Variants in CRACD observed in about 807,000 individuals in gnomAD.
CRACD encodes capping protein inhibiting regulator of actin dynamics.
Under a neutral mutation model 106.8 loss-of-function variants are expected in CRACD, and 56 were observed. The observed-to-expected ratio is 0.52, with a 90% CI of 0.42 to 0.66. CRACD has a LOEUF of 0.66. Ranked by LOEUF, CRACD falls within the 30% of genes least tolerant of loss-of-function variation. CRACD has a pLI of 0.00. For synonymous variants in CRACD, 754 were observed against 670.8 expected (o/e 1.12, Z -1.92); for missense variants, 1,730 against 1,623.2 (o/e 1.07, Z -1.13).
chr4:56,248,578 T>G (rs1257586368), intron 2 of CRACD, among the ~76,000 whole-genome samples: 1 of 126,934 alleles, frequency 7.9e-6, no homozygotes, highest in Non-Finnish European at 1.5e-5. Flanking sequence ...ACCTATGTGT[T>G]TTTTTTTTAA....
intron 1 of CRACD, 37 bp downstream of exon 1, chr4:56,049,336 A>G (rs1731783685): frequency 1.3e-5 from 2 of 151,280 alleles, no homozygotes; most frequent in Non-Finnish European, 3.0e-5. Context: ...GAGCCAGACA[A>G]TGGGGACAGG....
chr4:56,130,960 A>C (rs1266989622), intron 1 of CRACD, among the ~76,000 whole-genome samples: 1 of 152,048 alleles, frequency 6.6e-6, no homozygotes, highest in South Asian at 2.1e-4. Context: ...TCATTTCCTT[A>C]TATGTAAAAT....
At chr4:56,257,312 C>T (rs981461061) in intron 2 of CRACD, among the ~76,000 whole-genome samples, 5 of 151,926 alleles carry the variant, frequency 3.3e-5, no homozygotes, top group Non-Finnish European at 7.4e-5. Flanking sequence ...AAATTCCTGA[C>T]CTCAGGTGAT....
chr4:56,298,209 T>C lies in CRACD; in HGVS notation c.-16-5T>C. ...ATAAAATGAAGCACATGATTTACCT[T>C]CCAGGTCCTTCAACTATTCTATGGG... On this transcript the variant is annotated splice_polypyrimidine_tract_variant and splice_region_variant and intron_variant, in intron 3 of 10. Transcript: ENST00000682029. 3 of 1,612,418 alleles carry C rather than the reference T, an allele frequency of 1.9e-6. No homozygotes were observed. Among genetic ancestry groups the C allele is most frequent in the Non-Finnish European group, 2.5e-6 (3 of 1,179,396 alleles).
At chr4:56,091,408 T>C (rs1733422771) in intron 1 of CRACD, among the ~76,000 whole-genome samples, 1 of 150,978 alleles carries the variant, frequency 6.6e-6, no homozygotes, top group Non-Finnish European at 1.5e-5. Context: ...CAGGGGGACC[T>C]CACCTAAATT....
chr4:56,131,684 A>T (rs941689710), intron 1 of CRACD, among the ~76,000 whole-genome samples: 4 of 152,024 alleles, frequency 2.6e-5, no homozygotes, highest in South Asian at 2.1e-4. Flanking sequence ...AGAGTATTTA[A>T]TTTTTTTCAT....
chr4:56,117,360 C>G (rs185699177), intron 1 of CRACD, among the ~76,000 whole-genome samples: 1 of 152,010 alleles, frequency 6.6e-6, no homozygotes, highest in African/African-American at 2.4e-5. Context: ...CATAATGAAA[C>G]TTGAGGATAT....
chr4:56,208,644 A>G (rs981162193), intron 2 of CRACD, among the ~76,000 whole-genome samples: 3 of 152,194 alleles, frequency 2.0e-5, no homozygotes, highest in African/African-American at 7.2e-5. Context: ...TTATTTGGCA[A>G]TGCTTTCCAT....
At chr4:56,081,848 C>T (rs1397804475) in intron 1 of CRACD, among the ~76,000 whole-genome samples, 4 of 151,832 alleles carry the variant, frequency 2.6e-5, no homozygotes, top group Non-Finnish European at 5.9e-5. Context: ...TAGTGGTGCA[C>T]GCCCGTAATC....
chr4:56,310,838 T>TA (rs1745116217), intron 6 of CRACD, 104 bp downstream of exon 6: 2 of 684,380 alleles, frequency 2.9e-6, no homozygotes, highest in South Asian at 3.4e-5. Context: ...TTTCCATTCA[T>TA]AAATGTTGCC....
At chr4:56,190,806 G>T (rs1389032926) in intron 2 of CRACD, among the ~76,000 whole-genome samples, 1 of 152,114 alleles carries the variant, frequency 6.6e-6, no homozygotes, top group Non-Finnish European at 1.5e-5. Context: ...GCCCCAGTGG[G>T]GATTCTGTGT....
At chr4:56,058,636 A>G (rs1162132184) in intron 1 of CRACD, among the ~76,000 whole-genome samples, 1 of 152,210 alleles carries the variant, frequency 6.6e-6, no homozygotes, top group African/African-American at 2.4e-5. Flanking sequence ...TTAACTAGCA[A>G]AGATAAAAAG....
chr4:56,056,423 C>T (rs772947176), intron 1 of CRACD, among the ~76,000 whole-genome samples: 2 of 152,070 alleles, frequency 1.3e-5, no homozygotes, highest in African/African-American at 2.4e-5. Context: ...CTGCCCTATA[C>T]GGTCCTGCTG....
intron 1 of CRACD, among the ~76,000 whole-genome samples, chr4:56,118,623 G>C (rs1177064478): frequency 7.2e-5 from 11 of 152,322 alleles, no homozygotes; most frequent in African/African-American, 2.6e-4. Context: ...AAGAAGCCAG[G>C]TGCAGTGGTT....
chr4:56,241,570 T>C (rs142681917), intron 2 of CRACD, among the ~76,000 whole-genome samples: 1,717 of 152,288 alleles, frequency 0.011, 34 homozygotes, highest in African/African-American at 0.039. Flanking sequence ...GTTCCAGGCA[T>C]GGTTAATAGA....
chr4:56,284,825 C>CGTA (rs754686639), intron 3 of CRACD, among the ~76,000 whole-genome samples: 14 of 152,090 alleles, frequency 9.2e-5, no homozygotes, highest in Admixed American at 4.6e-4. Context: ...TTACAGTAAC[C>CGTA]GTAAGGTCAA....
chr4:56,236,934 A>G (rs918419556), intron 2 of CRACD, among the ~76,000 whole-genome samples: 3 of 152,196 alleles, frequency 2.0e-5, no homozygotes, highest in African/African-American at 7.2e-5. Context: ...GAGAAATCTC[A>G]TGCATCACTT....
intron 4 of CRACD, chr4:56,301,306 A>T (rs1744354090): frequency 2.6e-6 from 3 of 1,157,828 alleles, no homozygotes; most frequent in Non-Finnish European, 3.4e-6. Flanking sequence ...GCATTTTTCC[A>T]TGACAACGTG....
At chr4:56,176,941 A>G (rs974492831) in intron 1 of CRACD, among the ~76,000 whole-genome samples, 2 of 152,184 alleles carry the variant, frequency 1.3e-5, no homozygotes, top group African/African-American at 2.4e-5. Context: ...TGAATTTATC[A>G]GTTCTAACAG....
Sources: allele counts gnomAD v4.1 joint callset (sites outside exome capture counted in the v4.1 genomes callset), GRCh38; gene constraint gnomAD v4.1.1; transcripts MANE v1.5; gene names NCBI Gene and HGNC (gene_info 2026-07-23, HGNC 2026-07-21).